CDC42SE2: variants seen among roughly 807,000 people sequenced by gnomAD.
CDC42SE2 encodes CDC42 small effector protein 2.
A neutral mutation model predicts 11.5 loss-of-function variants in CDC42SE2; 3 were observed. That is an observed-to-expected ratio of 0.26 (90% CI 0.12 to 0.67). The LOEUF (loss-of-function observed/expected upper bound fraction) is 0.67. Among genes scored for constraint, CDC42SE2 ranks in the 30% least tolerant of loss-of-function variants. The pLI is 0.80. For missense variants in CDC42SE2, 82 were observed against 106.8 expected (o/e 0.77, Z 1.02); for synonymous variants, 33 against 34.8 (o/e 0.95, Z 0.18).
intron 4 of CDC42SE2, among the ~76,000 whole-genome samples, chr5:131,387,039 T>C (rs1019367034): frequency 6.6e-6 from 1 of 152,210 alleles, no homozygotes; most frequent in East Asian, 1.9e-4. Context: ...GACTGCTTTG[T>C]GGAAATGCAA....
intron 2 of CDC42SE2, among the ~76,000 whole-genome samples, chr5:131,337,993 A>T (rs1758617381): frequency 6.6e-6 from 1 of 152,226 alleles, no homozygotes; most frequent in Non-Finnish European, 1.5e-5. Context: ...CCCCAGTGAG[A>T]TGAACCCGGT....
chr5:131,318,863 C>G (rs992055745), intron 2 of CDC42SE2, among the ~76,000 whole-genome samples: 1 of 152,178 alleles, frequency 6.6e-6, no homozygotes, highest in African/African-American at 2.4e-5. Context: ...AAGGATGCCT[C>G]TGACACAGAT....
chr5:131,384,913 C>CA (rs34252680), intron 3 of CDC42SE2, among the ~76,000 whole-genome samples: 19,983 of 71,544 alleles, frequency 0.28, 2,208 homozygotes, highest in East Asian at 0.53. Flanking sequence ...GACTCCATCT[C>CA]AAAAAAAAAA....
chr5:131,238,252 C>T, the CDC42SE2 span, among the ~76,000 whole-genome samples: 1 of 152,058 alleles, frequency 6.6e-6, no homozygotes, highest in African/African-American at 2.4e-5. Context: ...AATCCCAGCA[C>T]TTTGGGAGAC....
intron 3 of CDC42SE2, among the ~76,000 whole-genome samples, chr5:131,381,128 A>G (rs1187895619): frequency 2.5e-4 from 38 of 151,972 alleles, no homozygotes; most frequent in Non-Finnish European, 2.9e-5. Flanking sequence ...ACAGAAATTT[A>G]GTTTGTCTAG....
intron 2 of CDC42SE2, among the ~76,000 whole-genome samples, chr5:131,317,634 T>C (rs1459617773): frequency 6.6e-6 from 1 of 152,166 alleles, no homozygotes; most frequent in Non-Finnish European, 1.5e-5. Context: ...TTTTTTTTTT[T>C]TGACCTGGCT....
chr5:131,394,498 T>C lies in CDC42SE2; in HGVS notation c.*3407T>C, dbSNP rs888930662. The C allele has an allele frequency of 6.6e-6, 1 of 152,364 alleles. No individual in the cohort carries two copies. The highest frequency in any genetic ancestry group is 6.5e-5 in the Admixed American group (1 of 15,288). The allele number at this position is 152,364 out of a possible 1,614,324, so 9.4% of individuals were successfully genotyped here. On this transcript the variant is annotated 3_prime_UTR_variant, in exon 5 of 5. Coordinates refer to ENST00000505065, the MANE Select transcript of CDC42SE2 (RefSeq NM_001375635.1). The stretch of plus-strand genomic sequence containing the variant: ...AGAGAACAAGTTTGCCTTGATTTTG[T>C]TTAAAATGACTTCTGCTAAGCACCC...
chr5:131,245,168 G>A (rs1385005432), upstream of CDC42SE2, among the ~76,000 whole-genome samples: 2 of 152,132 alleles, frequency 1.3e-5, no homozygotes, highest in African/African-American at 4.8e-5. Context: ...CCAAGGAGGA[G>A]GCAACAAACA....
chr5:131,264,143 C>G lies in CDC42SE2; in HGVS notation c.-478C>G, dbSNP rs1490191233. The G allele has an allele frequency of 6.6e-6, 1 of 152,288 alleles. No homozygotes were observed. The allele number at this position is 152,288 out of a possible 1,614,324, so 9.4% of individuals were successfully genotyped here. The stretch of plus-strand genomic sequence containing the variant: ...GCGCTGAGAGGGGCTGCGGCCGGAG[C>G]GGGCGGCTGAGACAAAGGCGACGGT... On this transcript the variant is annotated 5_prime_UTR_variant, in exon 1 of 5. Transcript: ENST00000505065.
upstream of CDC42SE2, among the ~76,000 whole-genome samples, chr5:131,263,099 ATTTTTT>A (rs370938077): frequency 2.9e-5 from 4 of 137,774 alleles, no homozygotes; most frequent in African/African-American, 1.1e-4. Flanking sequence ...CACCAGGGTA[ATTTTTT>A]TTTTTTTTTT....
chr5:131,370,562 A>G (rs1749989190), intron 3 of CDC42SE2, among the ~76,000 whole-genome samples: 1 of 150,758 alleles, frequency 6.6e-6, no homozygotes, highest in Non-Finnish European at 1.5e-5. Context: ...GCCACAAGTG[A>G]TCTTCCTGCC....
intron 2 of CDC42SE2, among the ~76,000 whole-genome samples, chr5:131,323,455 T>C (rs1369170117): frequency 6.6e-6 from 1 of 151,926 alleles, no homozygotes; most frequent in African/African-American, 2.4e-5. Context: ...GTAGCCACTT[T>C]TTAGAATTGT....
chr5:131,370,538 G>A (rs750780455), intron 3 of CDC42SE2, among the ~76,000 whole-genome samples: 24 of 151,112 alleles, frequency 1.6e-4, no homozygotes, highest in Non-Finnish European at 3.1e-4. Flanking sequence ...GCCCAGGCTG[G>A]TCTCAGGCTT....
chr5:131,335,422 G>C (rs540788394), intron 2 of CDC42SE2, among the ~76,000 whole-genome samples: 1 of 152,196 alleles, frequency 6.6e-6, no homozygotes, highest in Non-Finnish European at 1.5e-5. Flanking sequence ...GTGGTGTGGT[G>C]CTGAGAAGAA....
chr5:131,349,715 G>C (rs988025493), intron 2 of CDC42SE2, among the ~76,000 whole-genome samples: 1 of 151,860 alleles, frequency 6.6e-6, no homozygotes, highest in Admixed American at 6.6e-5. Context: ...ATTTTATGCA[G>C]GTATTAAAAT....
intron 1 of CDC42SE2, among the ~76,000 whole-genome samples, chr5:131,271,023 A>G (rs932621258): frequency 6.6e-6 from 1 of 152,122 alleles, no homozygotes; most frequent in Non-Finnish European, 1.5e-5. Context: ...TGAGTTGGCG[A>G]GGTTGTGCAA....
chr5:131,262,154 C>T (rs566661670), upstream of CDC42SE2, among the ~76,000 whole-genome samples: 117 of 143,678 alleles, frequency 8.1e-4, no homozygotes, highest in South Asian at 9.5e-3. Flanking sequence ...ATATCAAGTT[C>T]GGGAATTTTC....
At chr5:131,365,736 A>T (rs1749832807) in intron 3 of CDC42SE2, among the ~76,000 whole-genome samples, 1 of 152,228 alleles carries the variant, frequency 6.6e-6, no homozygotes, top group Non-Finnish European at 1.5e-5. Flanking sequence ...TATCCCCAGC[A>T]CTTTGGGAGG....
intron 3 of CDC42SE2, among the ~76,000 whole-genome samples, chr5:131,367,821 T>G (rs551193453): frequency 6.6e-6 from 1 of 152,330 alleles, no homozygotes; most frequent in African/African-American, 2.4e-5. Flanking sequence ...ATAAGGATAA[T>G]TCACCCAAAT....
Sources: gnomAD v4.1 joint callset for allele counts (sites outside exome capture counted in the v4.1 genomes callset) on GRCh38, gnomAD v4.1.1 for gene constraint, MANE v1.5 for transcripts, NCBI Gene and HGNC (gene_info 2026-07-23, HGNC 2026-07-21) for gene names.